The following ZNF407 variants were observed in gnomAD, a reference collection of about 807,000 sequenced individuals.
ZNF407 encodes the protein zinc finger protein 407.
In ZNF407, 17 loss-of-function variants were observed where a neutral mutation model predicts 131.2. The observed-to-expected ratio is 0.13, with a 90% confidence interval of 0.09 to 0.19. ZNF407 has a LOEUF of 0.19. Among genes scored for constraint, ZNF407 ranks in the 10% least tolerant of loss-of-function variants. ZNF407 has a pLI of 1.00. For missense variants in ZNF407, 2,681 were observed against 2,830.6 expected (o/e 0.95, Z 1.20); for synonymous variants, 1,156 against 1,062.0 (o/e 1.09, Z -1.72).
At chr18:74,896,364 T>A (rs187192794) in intron 7 of ZNF407, among the ~76,000 whole-genome samples, 6 of 152,328 alleles carry the variant, frequency 3.9e-5, no homozygotes, top group Admixed American at 2.6e-4. Context: ...GCCAATCTAG[T>A]CGATGGAATA....
At chr18:74,726,739 G>A (rs1356800731) in intron 3 of ZNF407, among the ~76,000 whole-genome samples, 1 of 152,126 alleles carries the variant, frequency 6.6e-6, no homozygotes, top group Non-Finnish European at 1.5e-5. Context: ...TACTAAATTA[G>A]TACACATTAG....
intron 4 of ZNF407, among the ~76,000 whole-genome samples, chr18:74,812,838 C>G (rs1479666938): frequency 6.6e-6 from 1 of 152,036 alleles, no homozygotes; most frequent in East Asian, 1.9e-4. Context: ...ATTCAGTAAT[C>G]CTGTCCTTTG....
intron 8 of ZNF407, among the ~76,000 whole-genome samples, chr18:75,033,518 C>G (rs1024958670): frequency 7.2e-5 from 11 of 152,124 alleles, no homozygotes; most frequent in African/African-American, 2.2e-4. Context: ...ATAGACACTC[C>G]GTCCCTTGTG....
intron 3 of ZNF407, among the ~76,000 whole-genome samples, chr18:74,700,068 T>C (rs891309186): frequency 1.3e-5 from 2 of 152,214 alleles, no homozygotes; most frequent in African/African-American, 4.8e-5. Context: ...TGTAAACTTA[T>C]TTATACTTTA....
chr18:74,754,796 G>T (rs1277236516), intron 3 of ZNF407, among the ~76,000 whole-genome samples: 1 of 152,172 alleles, frequency 6.6e-6, no homozygotes, highest in African/African-American at 2.4e-5. Context: ...GAATAAGTGC[G>T]ATGTGATGCT....
chr18:74,791,394 T>C (rs1237499651), intron 4 of ZNF407, among the ~76,000 whole-genome samples: 1 of 152,220 alleles, frequency 6.6e-6, no homozygotes. Flanking sequence ...CATTGAGATT[T>C]AATTTAATCC....
chr18:74,920,910 CAG>C (rs767111948), intron 8 of ZNF407: 1 of 1,223,874 alleles, frequency 8.2e-7, no homozygotes, highest in Non-Finnish European at 1.0e-6. Context: ...GGAAATCTGA[CAG>C]AGTAATTATT....
chr18:74,599,318 T>A (rs938324777), intron 1 of ZNF407, among the ~76,000 whole-genome samples: 10 of 152,330 alleles, frequency 6.6e-5, no homozygotes, highest in Middle Eastern at 3.4e-3. Context: ...CATTTTTTTT[T>A]AAACTTTATT....
chr18:74,648,063 G>T (rs1230114659), intron 3 of ZNF407, among the ~76,000 whole-genome samples: 1 of 152,178 alleles, frequency 6.6e-6, no homozygotes, highest in African/African-American at 2.4e-5. Flanking sequence ...ACAAACACCT[G>T]TTGGATGTCA....
rs746567804 is a variant in ZNF407, at chr18:74,631,899, C to T, written c.880C>T (p.Arg294Cys). The change falls in exon 2 of 9, where the codon CGT becomes TGT. Residue 294 changes from arginine to cysteine, a missense_variant. Arg to Cys is a radical substitution (Grantham distance 180). This residue lies in a region of ZNF407 where 1,789 missense variants were observed against 1,748.7 expected (regional missense o/e 1.02). Transcript: ENST00000299687. Reference sequence around the variant, plus strand: ...AAAACAACCTTTTCCTAAAAAATCACGTACAATGGCAACAAAAAATGTTCA... The same window carrying T: ...AAAACAACCTTTTCCTAAAAAATCATGTACAATGGCAACAAAAAATGTTCA... ...LTKQPFPKKSRTMATKNVHSK... is the reference protein window; with the variant it reads ...LTKQPFPKKSCTMATKNVHSK... 1.1e-5 allele frequency: 18 copies of T among 1,613,672 alleles called. No individual in the cohort carries two copies. Among genetic ancestry groups the T allele is most frequent in the African/African-American group, 5.3e-5 (4 of 74,894 alleles).
intron 3 of ZNF407, among the ~76,000 whole-genome samples, chr18:74,762,711 T>TA (rs1167203405): frequency 5.6e-4 from 85 of 151,986 alleles, no homozygotes; most frequent in African/African-American, 2.0e-3. Flanking sequence ...TTTTTTTTTT[T>TA]AAAATCATCA....
chr18:74,902,671 A>G (rs1327994304), intron 7 of ZNF407, among the ~76,000 whole-genome samples: 1 of 152,192 alleles, frequency 6.6e-6, no homozygotes, highest in Non-Finnish European at 1.5e-5. Context: ...TGGAATTATA[A>G]AAGGTTTACA....
chr18:74,944,869 C>T (rs1972137689), intron 8 of ZNF407, among the ~76,000 whole-genome samples: 1 of 152,212 alleles, frequency 6.6e-6, no homozygotes, highest in Non-Finnish European at 1.5e-5. Context: ...AAACAAAAAA[C>T]CTCAGGGCCC....
In ZNF407 at chr18:74,607,131, G is replaced by C. The variant is rs1268173492; in HGVS notation, c.-54+9194G>C. 3.3e-5 allele frequency among the ~76,000 whole-genome samples: 5 copies of C among 152,206 alleles called. No homozygotes were observed. In the East Asian group the frequency reaches 9.6e-4, roughly 29 times the overall value. On this transcript the variant is annotated intron_variant, in intron 1 of 8. Transcript: ENST00000299687. ...TTAGAAGCAGGCCTCTTGATTCATGGCTGGTCTTTTTGCTCCTCCATTGGT... is the reference window on the plus strand; with the variant it reads ...TTAGAAGCAGGCCTCTTGATTCATGCCTGGTCTTTTTGCTCCTCCATTGGT...
chr18:74,883,469 C>T lies in ZNF407; in HGVS notation c.5128+2350C>T, dbSNP rs151138907. Among the ~76,000 whole-genome samples, 150 of 152,280 alleles carry T rather than the reference C, an allele frequency of 9.9e-4. 2 individuals are homozygous for T. The highest frequency in any genetic ancestry group is 3.3e-3 in the African/African-American group (139 of 41,556). On this transcript the variant is annotated intron_variant, in intron 6 of 8. Coordinates refer to ENST00000299687, the MANE Select transcript of ZNF407 (RefSeq NM_017757.3). The stretch of plus-strand genomic sequence containing the variant: ...ATTATAATCAGCTTGGAAAGGAATA[C>T]GTATCAAAAGTGCTCCAAATGGTGT...
At chr18:74,610,924 C>A (rs576728542) in intron 1 of ZNF407, among the ~76,000 whole-genome samples, 2 of 152,310 alleles carry the variant, frequency 1.3e-5, no homozygotes, top group East Asian at 3.9e-4. Context: ...CTACAGTTTG[C>A]AAATAACCTT....
At chr18:74,699,477 G>A (rs1158614987) in intron 3 of ZNF407, among the ~76,000 whole-genome samples, 1 of 152,120 alleles carries the variant, frequency 6.6e-6, no homozygotes, top group Admixed American at 6.6e-5. Context: ...AACCTGAGCT[G>A]TGTCTAAGGG....
In ZNF407 at chr18:74,657,815, G is replaced by A. The variant is rs114253446; in HGVS notation, c.4802+16693G>A. ...CTGCTGCTTGCGTGACCACGAGGGGGAGTCAGGGAGTGTCCCTGGAATTCC... is the reference window on the plus strand; with the variant it reads ...CTGCTGCTTGCGTGACCACGAGGGGAAGTCAGGGAGTGTCCCTGGAATTCC... On this transcript the variant is annotated intron_variant, in intron 3 of 8. Coordinates refer to ENST00000299687, the MANE Select transcript of ZNF407 (RefSeq NM_017757.3). Among the ~76,000 whole-genome samples the A allele has an allele frequency of 1.9e-3, 290 of 152,230 alleles. 1 individual carries two copies. The highest frequency in any genetic ancestry group is 6.4e-3 in the African/African-American group (265 of 41,532).
intron 1 of ZNF407, among the ~76,000 whole-genome samples, chr18:74,610,417 C>T (rs563357601): frequency 1.6e-4 from 24 of 152,264 alleles, no homozygotes; most frequent in African/African-American, 4.8e-4. Flanking sequence ...TGCGTGCATG[C>T]GTGCAAGCAG....
Sources: gnomAD v4.1 joint callset for allele counts (sites outside exome capture counted in the v4.1 genomes callset) on GRCh38, gnomAD v4.1.1 for gene constraint, gnomAD v4.1.1 regional missense constraint, MANE v1.5 for transcripts, NCBI Gene and HGNC (gene_info 2026-07-23, HGNC 2026-07-21) for gene names.